The following UBE2U variants were observed in gnomAD, a reference collection of about 807,000 sequenced individuals.
The protein encoded by UBE2U is ubiquitin conjugating enzyme E2 U.
A neutral mutation model predicts 41.2 loss-of-function variants in UBE2U; 39 were observed. The observed-to-expected ratio is 0.95, with a 90% CI of 0.73 to 1.24. The LOEUF (loss-of-function observed/expected upper bound fraction) is 1.24, where lower values mean the gene tolerates loss of function less well. UBE2U is among the 50% of genes most tolerant of loss of function. UBE2U has a pLI of 0.00. For missense variants in UBE2U, 336 were observed against 363.1 expected (o/e 0.93, Z 0.61); for synonymous variants, 107 against 117.8 (o/e 0.91, Z 0.60).
At chr1:64,257,028 A>T (rs1645104735) in intron 8 of UBE2U, among the ~76,000 whole-genome samples, 1 of 152,230 alleles carries the variant, frequency 6.6e-6, no homozygotes, top group African/African-American at 2.4e-5. Context: ...TCATTAGAGA[A>T]ATGTAAATCA....
chr1:64,252,095 G>A (rs1031988978), intron 8 of UBE2U, among the ~76,000 whole-genome samples: 1 of 152,166 alleles, frequency 6.6e-6, no homozygotes. Flanking sequence ...TTCCAGACGA[G>A]GAGGGGTCTC....
At chr1:64,233,622 A>G (rs1280738856) in intron 7 of UBE2U, among the ~76,000 whole-genome samples, 2 of 152,208 alleles carry the variant, frequency 1.3e-5, no homozygotes, top group Non-Finnish European at 2.9e-5. Context: ...AGAAAACATA[A>G]GAACATAGGG....
chr1:64,239,291 A>G (rs959986171), intron 7 of UBE2U, among the ~76,000 whole-genome samples: 2 of 152,112 alleles, frequency 1.3e-5, no homozygotes, highest in African/African-American at 2.4e-5. Flanking sequence ...AGGAAAATAG[A>G]TAAAGTATAT....
At chr1:64,262,862 C>G (rs901281739) in intron 9 of UBE2U, among the ~76,000 whole-genome samples, 1 of 152,278 alleles carries the variant, frequency 6.6e-6, no homozygotes. Context: ...TGTTATTACT[C>G]TCTTTACTGC....
chr1:64,251,065 A>G (rs1010658428), intron 8 of UBE2U, among the ~76,000 whole-genome samples: 1 of 151,954 alleles, frequency 6.6e-6, no homozygotes, highest in African/African-American at 2.4e-5. Context: ...AAGTATAATA[A>G]AAAATAAATA....
At chr1:64,223,165 A>T (rs1652611395) in intron 6 of UBE2U, among the ~76,000 whole-genome samples, 2 of 152,290 alleles carry the variant, frequency 1.3e-5, no homozygotes, top group South Asian at 4.2e-4. Context: ...CAGTGTGAGG[A>T]TACACACCTG....
intron 9 of UBE2U, among the ~76,000 whole-genome samples, chr1:64,264,790 TA>T (rs959282524): frequency 1.3e-5 from 2 of 148,792 alleles, no homozygotes; most frequent in African/African-American, 2.5e-5. Flanking sequence ...CCATCCCTAC[TA>T]AAAAAAAAAT....
intron 8 of UBE2U, among the ~76,000 whole-genome samples, chr1:64,244,640 G>A (rs1644890964): frequency 6.6e-6 from 1 of 152,070 alleles, no homozygotes; most frequent in African/African-American, 2.4e-5. Context: ...AAGATGTTGT[G>A]AAGAGCTGGC....
At chr1:64,244,387 A>AT in intron 8 of UBE2U, 1 of 555,670 alleles carries the variant, frequency 1.8e-6, no homozygotes, top group Non-Finnish European at 2.3e-6. Context: ...AAATTAATAT[A>AT]GCATCACACA....
intron 7 of UBE2U, among the ~76,000 whole-genome samples, chr1:64,239,168 AGAAGAAGAAGAAG>A: frequency 1.4e-5 from 1 of 72,264 alleles, no homozygotes; most frequent in Non-Finnish European, 2.8e-5. Flanking sequence ...AAGAAGAAGA[AGAAGAAGAAGAAG>A]AAGAAGAAGA....
rs1025180933 is a variant in UBE2U, at chr1:64,235,907, G to A, written c.595+3258G>A. Among the ~76,000 whole-genome samples, 5 of 151,954 alleles carry A rather than the reference G, an allele frequency of 3.3e-5. 1 individual carries two copies. The highest frequency in any genetic ancestry group is 7.3e-5 in the African/African-American group (3 of 41,344). On this transcript the variant is annotated intron_variant, in intron 7 of 9. Coordinates refer to ENST00000371077, the MANE Select transcript of UBE2U (RefSeq NM_001366232.2). ...GTGCACGGTGGTATATCAACCCTAC[G>A]TGCCAGGCATTATTATTATTATTAC...
At chr1:64,255,407 T>C (rs1557746965) in intron 8 of UBE2U, among the ~76,000 whole-genome samples, 1 of 152,088 alleles carries the variant, frequency 6.6e-6, no homozygotes, top group African/African-American at 2.4e-5. Flanking sequence ...AGACTCCTCC[T>C]TAACTCATTT....
chr1:64,225,535 C>A (rs750955262), intron 6 of UBE2U, among the ~76,000 whole-genome samples: 1 of 152,184 alleles, frequency 6.6e-6, no homozygotes, highest in Non-Finnish European at 1.5e-5. Context: ...AAAAGGAGTA[C>A]TTTTAACTGC....
chr1:64,267,157 A>G lies in UBE2U; in HGVS notation c.903A>G (p.Glu301=). ...ATGAGCCCAGGGAAGAGGAAGTGGA[A>G]GATCTGATCTCCTGGACCAATACTC... ...DTDEPREEEV[E]DLISWTNTLN... The change falls in exon 10 of 10, where the codon GAA becomes GAG. Residue 301 remains glutamate (E), a synonymous_variant. Coordinates refer to ENST00000371077, the MANE Select transcript of UBE2U (RefSeq NM_001366232.2). The G allele has an allele frequency of 6.5e-7, 1 of 1,548,926 alleles. No homozygotes were observed. Among genetic ancestry groups the G allele is most frequent in the Non-Finnish European group, 8.7e-7 (1 of 1,146,634 alleles).
chr1:64,245,607 G>A (rs1260694830), intron 8 of UBE2U, among the ~76,000 whole-genome samples: 2 of 152,092 alleles, frequency 1.3e-5, no homozygotes, highest in Non-Finnish European at 2.9e-5. Context: ...TATGCCCGGC[G>A]TTCTCCCTTC....
At chr1:64,255,461 CAACAAGA>C (rs1367827307) in intron 8 of UBE2U, among the ~76,000 whole-genome samples, 1 of 152,130 alleles carries the variant, frequency 6.6e-6, no homozygotes, top group Non-Finnish European at 1.5e-5. Flanking sequence ...GGCAGAGATA[CAACAAGA>C]AACAAGAAAA....
chr1:64,215,411 C>A (rs1282626039), intron 5 of UBE2U: 1 of 153,324 alleles, frequency 6.5e-6, no homozygotes, highest in African/African-American at 2.4e-5. Flanking sequence ...CTTTGTGAAA[C>A]CAATCAGTGT....
At chr1:64,239,561 TC>T (rs1644798534) in intron 7 of UBE2U, among the ~76,000 whole-genome samples, 1 of 133,310 alleles carries the variant, frequency 7.5e-6, no homozygotes, top group Non-Finnish European at 1.6e-5. Flanking sequence ...ATGTTCCCCT[TC>T]CTGTGTCCAA....
chr1:64,248,709 ACTG>A (rs924081110), intron 8 of UBE2U, among the ~76,000 whole-genome samples: 1 of 152,192 alleles, frequency 6.6e-6, no homozygotes, highest in Non-Finnish European at 1.5e-5. Flanking sequence ...AGAAGGAAAT[ACTG>A]CTTATACAAT....
Sources: gnomAD v4.1 joint callset for allele counts (sites outside exome capture counted in the v4.1 genomes callset) on GRCh38, gnomAD v4.1.1 for gene constraint, MANE v1.5 for transcripts, NCBI Gene and HGNC (gene_info 2026-07-23, HGNC 2026-07-21) for gene names.